Variants in C5orf63 observed in about 807,000 individuals in gnomAD.
The protein encoded by C5orf63 is chromosome 5 open reading frame 63.
In C5orf63, 18 loss-of-function variants were observed where a neutral mutation model predicts 13.3. The observed-to-expected ratio is 1.36, with a 90% confidence interval of 0.94 to 2.01. The LOEUF (loss-of-function observed/expected upper bound fraction) is 2.01. Among genes scored for constraint, C5orf63 ranks in the 30% most tolerant of loss-of-function variants. The probability of loss-of-function intolerance (pLI) is 0.00; values close to 1 mark genes in which losing one functional copy is unlikely to be tolerated. For synonymous variants in C5orf63, 38 were observed against 44.7 expected, an observed-to-expected ratio of 0.85 and a Z score of 0.60; for missense variants, 118 against 127.7, an observed-to-expected ratio of 0.92 and a Z score of 0.36.
chr5:127,051,371 T>C lies in C5orf63; in HGVS notation c.*400A>G. 2 of 1,232,094 alleles carry C rather than the reference T, an allele frequency of 1.6e-6. No homozygotes were observed. The highest frequency in any genetic ancestry group is 2.0e-6 in the Non-Finnish European group (2 of 988,144). The allele number at this position is 1,232,094 out of a possible 1,614,324, so 76.3% of individuals were successfully genotyped here. ...ACAATTCACATTTCACTTTATCTAC[T>C]GAGTGGAAGAGCATTTATTCTTTCA... On this transcript the variant is annotated 3_prime_UTR_variant, in exon 5 of 5. Coordinates refer to ENST00000296662, the MANE Select transcript of C5orf63 (RefSeq NM_001164478.2).
chr5:127,047,470 T>C (rs140166891), downstream of C5orf63: 5 of 501,462 alleles, frequency 1.0e-5, no homozygotes, highest in African/African-American at 5.9e-5. Context: ...TTGGGACCCA[T>C]GGGTTTGCTG....
Position 127,051,762 on chromosome 5 carries a change from G to A in C5orf63, c.*9C>T, listed in dbSNP as rs1359730252. Reference sequence around the variant, plus strand: ...GGGAAGAGAGGGTGGAAAATCATGAGGGCATCAGTCAGCCTCCAGTACTTT... The same window carrying A: ...GGGAAGAGAGGGTGGAAAATCATGAAGGCATCAGTCAGCCTCCAGTACTTT... On this transcript the variant is annotated 3_prime_UTR_variant, in exon 5 of 5. Transcript: ENST00000296662. 6.7e-7 allele frequency: 1 copy of A among 1,491,694 alleles called. No homozygotes were observed. The highest frequency in any genetic ancestry group is 8.9e-7 in the Non-Finnish European group (1 of 1,126,036). The allele number at this position is 1,491,694 out of a possible 1,614,324, so 92.4% of individuals were successfully genotyped here. A position where few individuals can be genotyped will look rare whatever the true frequency, so the allele number is the denominator to read the frequency against.
At chr5:127,057,560 T>C (rs1340212295) in intron 3 of C5orf63, among the ~76,000 whole-genome samples, 5 of 152,256 alleles carry the variant, frequency 3.3e-5, no homozygotes. Flanking sequence ...GTCCTCATTA[T>C]TTATGGATTC....
chr5:127,048,306 C>T (rs1753570682), downstream of C5orf63, among the ~76,000 whole-genome samples: 1 of 151,328 alleles, frequency 6.6e-6, no homozygotes, highest in East Asian at 1.9e-4. Context: ...TACTTTACTT[C>T]CCTGGGACAA....
At chr5:127,065,737 C>T (rs1163626066) in intron 2 of C5orf63, among the ~76,000 whole-genome samples, 1 of 152,082 alleles carries the variant, frequency 6.6e-6, no homozygotes, top group Non-Finnish European at 1.5e-5. Flanking sequence ...ATTAATCTGG[C>T]AGCAGCAGGC....
At chr5:127,073,074 A>C (rs961398737) in intron 1 of C5orf63, 4 of 152,116 alleles carry the variant, frequency 2.6e-5, no homozygotes, top group African/African-American at 9.7e-5. Flanking sequence ...CGGGCTCCCA[A>C]GTGTGATTAC....
chr5:127,062,326 T>C (rs1402417245), intron 2 of C5orf63, among the ~76,000 whole-genome samples: 1 of 152,216 alleles, frequency 6.6e-6, no homozygotes, highest in African/African-American at 2.4e-5. Context: ...TTTTTACACA[T>C]TTTAAATTGC....
intron 3 of C5orf63, 25 bp from the exon 4 acceptor site, chr5:127,052,694 C>T (rs370278047): frequency 1.4e-5 from 20 of 1,460,186 alleles, no homozygotes; most frequent in Middle Eastern, 1.8e-4. Flanking sequence ...AAAACCCAAG[C>T]GATTAAACCC....
intron 2 of C5orf63, among the ~76,000 whole-genome samples, chr5:127,065,695 T>C (rs1754304817): frequency 6.6e-6 from 1 of 152,158 alleles, no homozygotes; most frequent in African/African-American, 2.4e-5. Flanking sequence ...GGGTTCTGAA[T>C]GAGTGATGTG....
rs1242228713 is a variant in C5orf63 at position 127,051,965 on chromosome 5, T to TAAAG, written c.172-22_172-19dup. 5 of 1,468,238 alleles carry TAAAG rather than the reference T, an allele frequency of 3.4e-6. No homozygotes were observed. The highest frequency in any genetic ancestry group is 4.8e-5 in the Admixed American group (2 of 41,832). The allele number at this position is 1,468,238 out of a possible 1,614,324, so 91.0% of individuals were successfully genotyped here. ...AAAATGAACTGAAACAGAGACAGAC[T>TAAAG]AAAGCTCTGTATTTTAGACCATGGG... is the stretch of plus-strand genomic sequence containing the variant. On this transcript the variant is annotated intron_variant, in intron 4 of 4. Coordinates refer to ENST00000296662, the MANE Select transcript of C5orf63 (RefSeq NM_001164478.2).
At chr5:127,043,092 T>G (rs1035525986), downstream of C5orf63, 3 of 152,244 alleles carry the variant, frequency 2.0e-5, no homozygotes, top group Non-Finnish European at 4.4e-5. Context: ...TCTCACTTTG[T>G]GTACAGGTCA....
intron 2 of C5orf63, among the ~76,000 whole-genome samples, chr5:127,067,429 T>A (rs1426624311): frequency 6.6e-6 from 1 of 152,148 alleles, no homozygotes; most frequent in African/African-American, 2.4e-5. Flanking sequence ...CAAATAGAAA[T>A]AACTGAAAGT....
At chr5:127,071,437 A>T (rs947144505) in intron 2 of C5orf63, 147 bp downstream of exon 2, 3 of 152,164 alleles carry the variant, frequency 2.0e-5, no homozygotes, top group Non-Finnish European at 2.9e-5. Flanking sequence ...GAAGTTAGGG[A>T]TGTGGAATCA....
intron 3 of C5orf63, among the ~76,000 whole-genome samples, chr5:127,054,178 T>A (rs1726589781): frequency 6.6e-6 from 1 of 152,184 alleles, no homozygotes; most frequent in African/African-American, 2.4e-5. Context: ...TGTTTTGTTT[T>A]TTAGACCTGG....
At chr5:127,069,287 T>C (rs1172084608) in intron 2 of C5orf63, among the ~76,000 whole-genome samples, 1 of 152,236 alleles carries the variant, frequency 6.6e-6, no homozygotes, top group African/African-American at 2.4e-5. Context: ...TTAACCAACA[T>C]GACCCATTCC....
chr5:127,072,272 C>T (rs1321255456), intron 1 of C5orf63, among the ~76,000 whole-genome samples: 2 of 152,120 alleles, frequency 1.3e-5, no homozygotes, highest in African/African-American at 4.8e-5. Context: ...TCTGCTTTGC[C>T]CCAGTATTAT....
Position 127,051,761 on chromosome 5 carries a change from A to G in C5orf63, c.*10T>C. 2.7e-6 allele frequency: 4 copies of G among 1,484,484 alleles called. No individual in the cohort carries two copies. Among genetic ancestry groups the G allele is most frequent in the Non-Finnish European group, 3.6e-6 (4 of 1,122,990 alleles). The allele number at this position is 1,484,484 out of a possible 1,614,324, so 92.0% of individuals were successfully genotyped here. On this transcript the variant is annotated 3_prime_UTR_variant, in exon 5 of 5. Transcript: ENST00000296662. The stretch of plus-strand genomic sequence containing the variant: ...TGGGAAGAGAGGGTGGAAAATCATG[A>G]GGGCATCAGTCAGCCTCCAGTACTT...
At chr5:127,053,420 T>C (rs1347827083) in intron 3 of C5orf63, among the ~76,000 whole-genome samples, 4 of 151,708 alleles carry the variant, frequency 2.6e-5, no homozygotes, top group African/African-American at 9.7e-5. Flanking sequence ...ACTTTTATTA[T>C]ATATGTTATA....
rs941194187 is a variant in C5orf63, at chr5:127,052,516, T to C, written c.171+97A>G. The C allele has an allele frequency of 1.3e-5, 11 of 862,482 alleles. No homozygotes were observed. The African/African-American group carries it at 1.4e-4, about 11-fold the overall frequency. 53.4% of individuals were successfully genotyped at this position (862,482 alleles called of 1,614,324 possible). A position where few individuals can be genotyped will look rare whatever the true frequency, so the allele number is the denominator to read the frequency against. The stretch of plus-strand genomic sequence containing the variant: ...GAAAGAAAATTTAAAAGAAAAATCA[T>C]TTAATCTCTTTTCCTAAAGGAAGGA... On this transcript the variant is annotated intron_variant, in intron 4 of 4. Transcript: ENST00000296662.
Sources: gnomAD v4.1 joint callset for allele counts (sites outside exome capture counted in the v4.1 genomes callset) on GRCh38, gnomAD v4.1.1 for gene constraint, MANE v1.5 for transcripts, NCBI Gene and HGNC (gene_info 2026-07-23, HGNC 2026-07-21) for gene names.